The following CKAP5 variants were observed in gnomAD, a reference collection of about 807,000 sequenced individuals.
CKAP5 encodes cytoskeleton associated protein 5.
In CKAP5, 27 loss-of-function variants were observed where a neutral mutation model predicts 232.8. The observed-to-expected ratio is 0.12, with a 90% CI of 0.09 to 0.16. The LOEUF (loss-of-function observed/expected upper bound fraction) is 0.16. Among genes scored for constraint, CKAP5 ranks in the 10% least tolerant of loss-of-function variants. The pLI, the probability that CKAP5 is intolerant of heterozygous loss-of-function variation, is 1.00. For synonymous variants in CKAP5, 785 were observed against 841.1 expected, an observed-to-expected ratio of 0.93 and a Z score of 1.16; for missense variants, 1,838 against 2,424.7, an observed-to-expected ratio of 0.76 and a Z score of 5.08.
chr11:46,758,785 T>A lies in CKAP5; in HGVS notation c.4689+138A>T, dbSNP rs143319576. 5.6e-4 allele frequency: 496 copies of A among 887,028 alleles called. No individual in the cohort carries two copies. In the East Asian group the frequency reaches 0.012, roughly 21 times the overall value. 54.9% of individuals were successfully genotyped at this position (887,028 alleles called of 1,614,324 possible). On this transcript the variant is annotated intron_variant, in intron 35 of 43. Coordinates refer to ENST00000529230, the MANE Select transcript of CKAP5 (RefSeq NM_001008938.4). ...AGGCAAGTGATGACTGAGTGGCACC[T>A]GTGCATTTCTTTCCTCGGGAAAGTA...
intron 1 of CKAP5, among the ~76,000 whole-genome samples, chr11:46,826,426 G>C (rs1432843391): frequency 2.0e-5 from 3 of 152,130 alleles, no homozygotes; most frequent in African/African-American, 7.2e-5. Flanking sequence ...AAGGATCCAA[G>C]GCCCAGAGAG....
At chr11:46,819,371 G>C (rs1254772122) in intron 2 of CKAP5, among the ~76,000 whole-genome samples, 1 of 152,136 alleles carries the variant, frequency 6.6e-6, no homozygotes, top group African/African-American at 2.4e-5. Flanking sequence ...GTAAGCTGGA[G>C]AGGATTGGAA....
At chr11:46,752,960 AAAATGTACCTG>A (rs2065081306) in intron 37 of CKAP5, among the ~76,000 whole-genome samples, 1 of 152,248 alleles carries the variant, frequency 6.6e-6, no homozygotes, top group Admixed American at 6.5e-5. Flanking sequence ...GAGAAAGAAT[AAAATGTACCTG>A]AAATGTACAA....
chr11:46,776,634 G>A (rs748009062), intron 23 of CKAP5, among the ~76,000 whole-genome samples: 19 of 152,248 alleles, frequency 1.2e-4, no homozygotes, highest in Non-Finnish European at 2.6e-4. Flanking sequence ...TGAGTGATCT[G>A]GGCATAAAAT....
intron 38 of CKAP5, among the ~76,000 whole-genome samples, chr11:46,752,193 T>TATATATACAC (rs1408030107): frequency 1.2e-4 from 8 of 66,542 alleles, no homozygotes; most frequent in African/African-American, 4.1e-4. Context: ...TATATATATA[T>TATATATACAC]ACACACACAC....
Position 46,751,547 on chromosome 11 carries a change from G to C in CKAP5, c.5134-13C>G, listed in dbSNP as rs1324064566. The C allele has an allele frequency of 1.9e-6, 3 of 1,593,714 alleles. No individual in the cohort carries two copies. Among genetic ancestry groups the C allele is most frequent in the Non-Finnish European group, 2.6e-6 (3 of 1,170,166 alleles). On this transcript the variant is annotated splice_polypyrimidine_tract_variant and intron_variant, in intron 38 of 43. Coordinates refer to ENST00000529230, the MANE Select transcript of CKAP5 (RefSeq NM_001008938.4). ...TTCTCCAGAGACACTATTGAAAAAA[G>C]AATAAAAGAGTTAGGAGTGACTGAA... is the stretch of plus-strand genomic sequence containing the variant.
chr11:46,816,412 A>G lies in CKAP5; in HGVS notation c.252-8T>C, dbSNP rs1389897765. On this transcript the variant is annotated splice_region_variant and splice_polypyrimidine_tract_variant and intron_variant, in intron 3 of 43. Coordinates refer to ENST00000529230, the MANE Select transcript of CKAP5 (RefSeq NM_001008938.4). ...ACAACTTCTCCTGTGGTTCTGTAAC[A>G]TATTATAAAGAACAAAAATCCCACT... is the stretch of plus-strand genomic sequence containing the variant. The G allele has an allele frequency of 2.5e-6, 4 of 1,612,098 alleles. No individual in the cohort carries two copies. In the African/African-American group the frequency reaches 4.0e-5, roughly 16 times the overall value.
chr11:46,788,760 A>G lies in CKAP5; in HGVS notation c.1889T>C (p.Met630Thr), dbSNP rs1478771741. 2.5e-6 allele frequency: 4 copies of G among 1,606,922 alleles called. No individual in the cohort carries two copies. The South Asian group carries it at 3.3e-5, about 13-fold the overall frequency. Reference protein sequence around the residue: ...MEEFQKAVELMDRTEMPCQAL... With the variant: ...MEEFQKAVELTDRTEMPCQAL... ...CTGGCATGGCATTTCAGTTCGGTCC[A>G]TTAGCTCAACAGCCTTGAAGTAAAA... Residue 630 changes from methionine (M) to threonine (T), a missense_variant, in exon 16 of 44, where the codon ATG becomes ACG. Met to Thr is a moderately conservative substitution (Grantham distance 81). Coordinates refer to ENST00000529230, the MANE Select transcript of CKAP5 (RefSeq NM_001008938.4).
At position 46,769,988 on chromosome 11, in the gene CKAP5, A is replaced by G. The variant is rs1592445538; in HGVS notation, c.3297T>C (p.Ala1099=). The part of the protein sequence containing the change: ...KATSKPMGGS[A]PAKFQPASAP... Reference sequence around the variant, plus strand: ...CTGATGCAGGCTGGAATTTGGCTGGAGCGGACCCTCCCATTGGTTTAGAAG... The same window carrying G: ...CTGATGCAGGCTGGAATTTGGCTGGGGCGGACCCTCCCATTGGTTTAGAAG... The change falls in exon 26 of 44, where the codon GCT becomes GCC. Residue 1099 remains alanine, a synonymous_variant. Coordinates refer to ENST00000529230, the MANE Select transcript of CKAP5 (RefSeq NM_001008938.4). 6.2e-7 allele frequency: 1 copy of G among 1,614,104 alleles called. No homozygotes were observed. Among genetic ancestry groups the G allele is most frequent in the Non-Finnish European group, 8.5e-7 (1 of 1,180,010 alleles).
At chr11:46,767,745 CAAGG>C (rs1163658318) in intron 26 of CKAP5, 82 bp from the exon 27 acceptor site, 2 of 823,952 alleles carry the variant, frequency 2.4e-6, no homozygotes, top group Non-Finnish European at 3.7e-6. Flanking sequence ...ATAATGATGA[CAAGG>C]AAGCTTGCAG....
At chr11:46,752,035 T>C (rs1237029452) in intron 38 of CKAP5, among the ~76,000 whole-genome samples, 1 of 151,616 alleles carries the variant, frequency 6.6e-6, no homozygotes, top group Non-Finnish European at 1.5e-5. Context: ...TTCTTTCCTT[T>C]TGATCCTCAG....
intron 11 of CKAP5, among the ~76,000 whole-genome samples, chr11:46,797,451 T>C (rs2134650221): frequency 6.6e-6 from 1 of 151,510 alleles, no homozygotes; most frequent in African/African-American, 2.4e-5. Context: ...ATTTAGCAAA[T>C]AAGTATTTCC....
chr11:46,809,671 G>T, intron 6 of CKAP5, 71 bp downstream of exon 6: 2 of 1,563,234 alleles, frequency 1.3e-6, no homozygotes, highest in Non-Finnish European at 1.8e-6. Flanking sequence ...TATGCCTAAT[G>T]AACACAGATT....
intron 1 of CKAP5, among the ~76,000 whole-genome samples, chr11:46,835,725 ATATAT>A (rs1939901034): frequency 6.6e-6 from 1 of 152,200 alleles, no homozygotes; most frequent in Non-Finnish European, 1.5e-5. Flanking sequence ...AAAATTCCGA[ATATAT>A]GTAGATACCC....
At chr11:46,816,541 C>T (rs980277247) in intron 3 of CKAP5, 137 bp from the exon 4 acceptor site, 4 of 639,048 alleles carry the variant, frequency 6.3e-6, no homozygotes, top group Admixed American at 3.0e-5. Flanking sequence ...AATTTATGTT[C>T]AAGAATATTT....
Position 46,790,536 on chromosome 11 carries a change from T to C in CKAP5, c.1698A>G (p.Ala566=), listed in dbSNP as rs768069793. 2 of 1,614,148 alleles carry C rather than the reference T, an allele frequency of 1.2e-6. No homozygotes were observed. The highest frequency in any genetic ancestry group is 2.2e-5 in the South Asian group (2 of 91,084). The change falls in exon 14 of 44, where the codon GCA becomes GCG. Residue 566 remains alanine, a synonymous_variant. Coordinates refer to ENST00000529230, the MANE Select transcript of CKAP5 (RefSeq NM_001008938.4). ...TCTTGTTCTTGGTTCCAGTATTCCC[T>C]GCGCCTCCTGGTGCAGCTGGTTTCC... is the stretch of plus-strand genomic sequence containing the variant. ...KKGKPAAPGG[A]GNTGTKNKKG...
At chr11:46,802,597 A>C (rs1209323212) in intron 8 of CKAP5, among the ~76,000 whole-genome samples, 1 of 147,580 alleles carries the variant, frequency 6.8e-6, no homozygotes, top group Non-Finnish European at 1.5e-5. Flanking sequence ...CGGCTGCTTT[A>C]TTTATAAATG....
chr11:46,796,685 G>A (rs1938884972), intron 12 of CKAP5, 127 bp downstream of exon 12: 9 of 1,004,612 alleles, frequency 9.0e-6, no homozygotes, highest in African/African-American at 1.7e-5. Context: ...ACTATAAATG[G>A]CAATTTAAAA....
At chr11:46,776,168 C>T (rs1000934974) in intron 24 of CKAP5, 87 bp downstream of exon 24, 2 of 1,100,344 alleles carry the variant, frequency 1.8e-6, no homozygotes, top group African/African-American at 1.6e-5. Context: ...CTCATTCTAA[C>T]CATAAATGCG....
Sources: gnomAD v4.1 joint callset for allele counts (sites outside exome capture counted in the v4.1 genomes callset) on GRCh38, gnomAD v4.1.1 for gene constraint, MANE v1.5 for transcripts, NCBI Gene and HGNC (gene_info 2026-07-23, HGNC 2026-07-21) for gene names.